Variants in LDB2 observed in about 807,000 individuals in gnomAD.
LDB2 encodes the protein LIM domain binding 2, also known as LIM domain-binding protein 2.
Under a neutral mutation model 44.3 loss-of-function variants are expected in LDB2, and 12 were observed. The ratio of observed to expected loss-of-function variants is 0.27; its 90% CI spans 0.17 to 0.44. LDB2 has a LOEUF of 0.44. LDB2 is among the 20% of genes least tolerant of loss of function. LDB2 has a pLI of 1.00. For synonymous variants in LDB2, 164 were observed against 174.8 expected (o/e 0.94, Z 0.49); for missense variants, 344 against 473.5 (o/e 0.73, Z 2.54).
At chr4:16,576,162 T>C (rs1483429269) in intron 5 of LDB2, among the ~76,000 whole-genome samples, 1 of 152,086 alleles carries the variant, frequency 6.6e-6, no homozygotes, top group Admixed American at 6.5e-5. Flanking sequence ...ATAAACAACC[T>C]AACAATGCAT....
At chr4:16,522,771 A>G (rs1255983533) in intron 5 of LDB2, among the ~76,000 whole-genome samples, 1 of 152,206 alleles carries the variant, frequency 6.6e-6, no homozygotes, top group African/African-American at 2.4e-5. Flanking sequence ...CCATTGGGCT[A>G]TTGCCTCAAA....
chr4:16,890,272 G>A (rs1722977610), intron 1 of LDB2, among the ~76,000 whole-genome samples: 1 of 152,200 alleles, frequency 6.6e-6, no homozygotes, highest in Non-Finnish European at 1.5e-5. Context: ...TTGAGAGGAA[G>A]CAGGAGAGTC....
At chr4:16,798,230 T>A (rs182124972) in intron 1 of LDB2, among the ~76,000 whole-genome samples, 1 of 152,236 alleles carries the variant, frequency 6.6e-6, no homozygotes, top group East Asian at 1.9e-4. Flanking sequence ...GGGCTTTCCA[T>A]GTGTCCTTTC....
At chr4:16,811,562 A>T (rs1308943658) in intron 1 of LDB2, among the ~76,000 whole-genome samples, 1 of 152,208 alleles carries the variant, frequency 6.6e-6, no homozygotes, top group East Asian at 1.9e-4. Context: ...TGATCATTTA[A>T]TCTGTCATTT....
At chr4:16,513,374 G>A (rs1342691811) in intron 5 of LDB2, among the ~76,000 whole-genome samples, 1 of 152,128 alleles carries the variant, frequency 6.6e-6, no homozygotes, top group African/African-American at 2.4e-5. Flanking sequence ...ATAGCACCCA[G>A]CTCCTTCTGC....
intron 1 of LDB2, among the ~76,000 whole-genome samples, chr4:16,795,292 G>A (rs1579736077): frequency 1.3e-5 from 2 of 152,186 alleles, no homozygotes; most frequent in Admixed American, 6.5e-5. Flanking sequence ...GGCAGTTAAA[G>A]AGTCCATATT....
intron 5 of LDB2, among the ~76,000 whole-genome samples, chr4:16,539,142 TG>T (rs1256373543): frequency 1.3e-5 from 2 of 152,148 alleles, no homozygotes; most frequent in Non-Finnish European, 1.5e-5. Flanking sequence ...GTCCTACAAT[TG>T]GGGATCAAGG....
At chr4:16,885,931 A>G (rs1307446045) in intron 1 of LDB2, among the ~76,000 whole-genome samples, 1 of 152,180 alleles carries the variant, frequency 6.6e-6, no homozygotes, top group Non-Finnish European at 1.5e-5. Context: ...ATTGATTGTT[A>G]AGAATACTTA....
At chr4:16,602,641 G>A (rs1448999151) in intron 2 of LDB2, among the ~76,000 whole-genome samples, 3 of 152,002 alleles carry the variant, frequency 2.0e-5, no homozygotes, top group Admixed American at 1.3e-4. Context: ...TGCCAACATG[G>A]TCTCAAAACA....
intron 2 of LDB2, among the ~76,000 whole-genome samples, chr4:16,682,831 C>T (rs1240870504): frequency 6.6e-6 from 1 of 152,218 alleles, no homozygotes; most frequent in Non-Finnish European, 1.5e-5. Context: ...TATGTCATTA[C>T]TTGTTCACAA....
intron 2 of LDB2, among the ~76,000 whole-genome samples, chr4:16,694,317 C>G (rs1415004469): frequency 6.6e-6 from 1 of 152,194 alleles, no homozygotes; most frequent in Non-Finnish European, 1.5e-5. Context: ...GGAGAAGAAA[C>G]TCAGAAGAGA....
intron 1 of LDB2, among the ~76,000 whole-genome samples, chr4:16,870,662 T>G (rs1387836588): frequency 2.0e-5 from 3 of 150,734 alleles, no homozygotes; most frequent in Non-Finnish European, 4.4e-5. Flanking sequence ...AGATGGAGTC[T>G]CGCTCTTGTC....
intron 5 of LDB2, among the ~76,000 whole-genome samples, chr4:16,524,970 T>TAACA (rs1727682735): frequency 1.3e-5 from 2 of 152,196 alleles, no homozygotes; most frequent in African/African-American, 4.8e-5. Flanking sequence ...ATTTAAACAC[T>TAACA]AACATTTATA....
At chr4:16,697,870 G>A (rs890472860) in intron 2 of LDB2, among the ~76,000 whole-genome samples, 1 of 152,198 alleles carries the variant, frequency 6.6e-6, no homozygotes, top group African/African-American at 2.4e-5. Flanking sequence ...GTAGTAGTAA[G>A]TTAAAGCAAA....
At chr4:16,686,180 C>T (rs899304448) in intron 2 of LDB2, among the ~76,000 whole-genome samples, 3 of 152,174 alleles carry the variant, frequency 2.0e-5, no homozygotes, top group Admixed American at 2.0e-4. Flanking sequence ...ATTTCTTGAC[C>T]CCCTTAACTA....
At chr4:16,861,384 A>G (rs1410573158) in intron 1 of LDB2, among the ~76,000 whole-genome samples, 2 of 152,120 alleles carry the variant, frequency 1.3e-5, no homozygotes, top group Non-Finnish European at 2.9e-5. Context: ...TCTTCTACCT[A>G]TTAGATGCCA....
At chr4:16,781,882 G>C (rs189785775) in intron 1 of LDB2, among the ~76,000 whole-genome samples, 3 of 152,176 alleles carry the variant, frequency 2.0e-5, no homozygotes, top group Admixed American at 6.5e-5. Flanking sequence ...TGGAGGTAAA[G>C]GTTGGAGTGT....
chr4:16,781,201 G>A (rs1317966572), intron 1 of LDB2, among the ~76,000 whole-genome samples: 1 of 152,184 alleles, frequency 6.6e-6, no homozygotes, highest in Admixed American at 6.5e-5. Context: ...CAGATCAGAA[G>A]CCAGGCTGAG....
chr4:16,774,231 C>T (rs933093882), intron 1 of LDB2, among the ~76,000 whole-genome samples: 42 of 150,718 alleles, frequency 2.8e-4, no homozygotes, highest in African/African-American at 1.0e-3. Flanking sequence ...CACACTTTCT[C>T]AACCATCCCT....
Sources: allele counts gnomAD v4.1 joint callset (sites outside exome capture counted in the v4.1 genomes callset), GRCh38; gene constraint gnomAD v4.1.1; transcripts MANE v1.5; gene names NCBI Gene and HGNC (gene_info 2026-07-23, HGNC 2026-07-21).